GRIP1: variants seen among roughly 807,000 people sequenced by gnomAD.
The protein encoded by GRIP1 is glutamate receptor-interacting protein 1.
In GRIP1, 45 loss-of-function variants were observed where a neutral mutation model predicts 129.9. The observed-to-expected ratio is 0.35, with a 90% CI of 0.27 to 0.44. The LOEUF is 0.44. GRIP1 is among the 20% of genes least tolerant of loss of function. The pLI, the probability that GRIP1 is intolerant of heterozygous loss-of-function variation, is 1.00. For missense variants in GRIP1, 1,196 were observed against 1,396.8 expected, an observed-to-expected ratio of 0.86 and a Z score of 2.29; for synonymous variants, 530 against 520.8, an observed-to-expected ratio of 1.02 and a Z score of -0.24.
At chr12:66,441,506 C>T (rs796527942) in intron 13 of GRIP1, among the ~76,000 whole-genome samples, 5 of 152,192 alleles carry the variant, frequency 3.3e-5, no homozygotes, top group African/African-American at 1.2e-4. Context: ...CAGGGTAATG[C>T]CTGCACTACT....
chr12:66,486,788 C>A (rs1407055276), intron 7 of GRIP1, among the ~76,000 whole-genome samples: 6 of 44,502 alleles, frequency 1.3e-4, no homozygotes, highest in African/African-American at 9.5e-4. Flanking sequence ...AAAAGCAGGT[C>A]TCAATTTTTT....
chr12:66,974,172 C>T (rs2042119187), intron 1 of GRIP1, among the ~76,000 whole-genome samples: 1 of 152,084 alleles, frequency 6.6e-6, no homozygotes, highest in Admixed American at 6.6e-5. Context: ...GATCCTCCCA[C>T]CTCAGCCTCC....
chr12:66,463,044 T>C lies in GRIP1; in HGVS notation c.922A>G (p.Ser308Gly), dbSNP rs755058407. Residue 308 changes from serine to glycine, a missense_variant, in exon 9 of 25, where the codon AGC (serine) becomes GGC (glycine). Coordinates refer to ENST00000359742, the MANE Select transcript of GRIP1 (RefSeq NM_001366722.1). The stretch of plus-strand genomic sequence containing the variant: ...TCTGCAAGTGTACAGTACTCCATGC[T>C]GGTTCCATCGATGGAGAGGATGTGA... The part of the protein sequence containing the change: ...GDHILSIDGT[S>G]MEYCTLAEAT... The C allele has an allele frequency of 4.3e-6, 7 of 1,613,306 alleles. No homozygotes were observed. The African/African-American group carries it at 6.7e-5, about 15-fold the overall frequency.
At chr12:66,832,670 A>G (rs559003054) in intron 1 of GRIP1, among the ~76,000 whole-genome samples, 1 of 152,300 alleles carries the variant, frequency 6.6e-6, no homozygotes, top group Admixed American at 6.5e-5. Context: ...TCCAAATTAT[A>G]AATATGGAGA....
At chr12:66,586,566 A>G (rs934602996) in intron 2 of GRIP1, among the ~76,000 whole-genome samples, 2 of 151,876 alleles carry the variant, frequency 1.3e-5, no homozygotes, top group Non-Finnish European at 2.9e-5. Flanking sequence ...ATCTCCACCT[A>G]AGCTCTCCTC....
intron 1 of GRIP1, among the ~76,000 whole-genome samples, chr12:67,017,304 C>T (rs1407911416): frequency 6.6e-6 from 1 of 151,760 alleles, no homozygotes; most frequent in Non-Finnish European, 1.5e-5. Flanking sequence ...GTTGTCCTCT[C>T]GGTGGCCCCT....
At chr12:66,497,823 G>A (rs1353416616) in intron 7 of GRIP1, among the ~76,000 whole-genome samples, 1 of 152,148 alleles carries the variant, frequency 6.6e-6, no homozygotes, top group Non-Finnish European at 1.5e-5. Flanking sequence ...CCTGTGACTT[G>A]CACGTATACG....
chr12:66,935,081 T>C (rs535855477), intron 1 of GRIP1, among the ~76,000 whole-genome samples: 2 of 152,338 alleles, frequency 1.3e-5, no homozygotes, highest in Admixed American at 6.5e-5. Context: ...CCTCAGCAGC[T>C]ACCTCTCTAA....
intron 1 of GRIP1, among the ~76,000 whole-genome samples, chr12:67,033,531 G>A (rs1814509281): frequency 6.6e-6 from 1 of 152,062 alleles, no homozygotes; most frequent in South Asian, 2.1e-4. Context: ...CATCACAGAA[G>A]TAGCAAAGAA....
intron 1 of GRIP1, among the ~76,000 whole-genome samples, chr12:67,004,872 C>T (rs78533779): frequency 0.029 from 4,469 of 151,990 alleles, 181 homozygotes; most frequent in African/African-American, 0.092. Context: ...AAGGCACAAT[C>T]ATGAACAAAT....
intron 1 of GRIP1, among the ~76,000 whole-genome samples, chr12:67,035,156 T>G (rs1219114721): frequency 2.0e-5 from 3 of 152,150 alleles, no homozygotes; most frequent in Non-Finnish European, 2.9e-5. Flanking sequence ...AGTATTCTGT[T>G]GTACTTTTGT....
At chr12:66,549,614 T>G (rs1301317489) in intron 2 of GRIP1, among the ~76,000 whole-genome samples, 1 of 152,146 alleles carries the variant, frequency 6.6e-6, no homozygotes, top group Non-Finnish European at 1.5e-5. Context: ...TGGGTTTCTG[T>G]GATGAACTGC....
intron 1 of GRIP1, among the ~76,000 whole-genome samples, chr12:66,741,181 G>A (rs2036776970): frequency 1.3e-5 from 2 of 152,108 alleles, no homozygotes. Flanking sequence ...CTTCTCCTAA[G>A]TGCTTTTTGT....
At chr12:66,994,489 A>C (rs1419971332) in intron 1 of GRIP1, among the ~76,000 whole-genome samples, 1 of 151,996 alleles carries the variant, frequency 6.6e-6, no homozygotes, top group African/African-American at 2.4e-5. Context: ...AGAATTTCTC[A>C]ACCTAATAGA....
At chr12:66,566,627 G>C (rs757460403) in intron 2 of GRIP1, among the ~76,000 whole-genome samples, 46 of 152,160 alleles carry the variant, frequency 3.0e-4, no homozygotes, top group Non-Finnish European at 1.3e-4. Flanking sequence ...TCAGGATGAT[G>C]CTGGCCTCAT....
At chr12:66,364,477 A>C (rs1409226160) in intron 23 of GRIP1, among the ~76,000 whole-genome samples, 1 of 152,002 alleles carries the variant, frequency 6.6e-6, no homozygotes, top group East Asian at 1.9e-4. Context: ...TTTTGCCCAC[A>C]AGGAAATTCC....
chr12:67,051,997 G>A (rs1013015889), intron 1 of GRIP1, among the ~76,000 whole-genome samples: 45 of 152,280 alleles, frequency 3.0e-4, no homozygotes, highest in African/African-American at 1.1e-3. Flanking sequence ...GTGACTTAAA[G>A]AGCCTGAGGT....
At chr12:66,700,573 G>C (rs572344315) in intron 1 of GRIP1, among the ~76,000 whole-genome samples, 1 of 152,070 alleles carries the variant, frequency 6.6e-6, no homozygotes, top group African/African-American at 2.4e-5. Flanking sequence ...TCAGGCTCCT[G>C]AGTAGCTAGG....
intron 1 of GRIP1, among the ~76,000 whole-genome samples, chr12:66,914,050 C>T (rs1209448907): frequency 6.6e-6 from 1 of 152,146 alleles, no homozygotes; most frequent in African/African-American, 2.4e-5. Flanking sequence ...ATTACGCTAT[C>T]CCTGTTTAAC....
Sources: gnomAD v4.1 joint callset for allele counts (sites outside exome capture counted in the v4.1 genomes callset) on GRCh38, gnomAD v4.1.1 for gene constraint, MANE v1.5 for transcripts, NCBI Gene and HGNC (gene_info 2026-07-23, HGNC 2026-07-21) for gene names.